FHIT: variants seen among roughly 807,000 people sequenced by gnomAD.
FHIT encodes the protein fragile histidine triad diadenosine triphosphatase, also known as bis(5'-adenosyl)-triphosphatase.
Under a neutral mutation model 17.9 loss-of-function variants are expected in FHIT, and 19 were observed. The observed-to-expected ratio is 1.06, with a 90% CI of 0.74 to 1.56. FHIT has a LOEUF of 1.56. FHIT is among the 40% of genes most tolerant of loss of function. The pLI is 0.00. For synonymous variants in FHIT, 81 were observed against 69.7 expected (o/e 1.16, Z -0.81); for missense variants, 248 against 189.2 (o/e 1.31, Z -1.82).
chr3:60,363,414 G>T (rs921788207), intron 5 of FHIT, among the ~76,000 whole-genome samples: 3 of 152,078 alleles, frequency 2.0e-5, no homozygotes, highest in African/African-American at 4.8e-5. Context: ...TTCAAGTAAT[G>T]GCTACAATGT....
chr3:60,936,626 T>C (rs1708201883), intron 3 of FHIT, among the ~76,000 whole-genome samples: 2 of 152,216 alleles, frequency 1.3e-5, no homozygotes, highest in Non-Finnish European at 1.5e-5. Flanking sequence ...TTTTATAACA[T>C]ACATTATTGC....
intron 5 of FHIT, among the ~76,000 whole-genome samples, chr3:60,072,651 T>C (rs951773728): frequency 2.6e-5 from 4 of 152,172 alleles, no homozygotes; most frequent in African/African-American, 9.7e-5. Flanking sequence ...TTGCCCAGCA[T>C]CACTGAGCTG....
At chr3:60,335,176 A>G (rs889492021) in intron 5 of FHIT, among the ~76,000 whole-genome samples, 11 of 152,334 alleles carry the variant, frequency 7.2e-5, no homozygotes, top group Middle Eastern at 3.4e-3. Flanking sequence ...AGTTCACAGG[A>G]AAATAGTCAA....
intron 4 of FHIT, among the ~76,000 whole-genome samples, chr3:60,681,052 GT>G (rs1296645154): frequency 6.6e-6 from 1 of 152,164 alleles, no homozygotes; most frequent in Non-Finnish European, 1.5e-5. Flanking sequence ...GGCATACCTT[GT>G]TTTACTGCAC....
chr3:59,862,910 G>A (rs550573087), intron 8 of FHIT, among the ~76,000 whole-genome samples: 9 of 152,274 alleles, frequency 5.9e-5, no homozygotes, highest in East Asian at 3.9e-4. Flanking sequence ...AAGGGGTGAC[G>A]GGGTAGGATG....
intron 3 of FHIT, among the ~76,000 whole-genome samples, chr3:61,008,815 G>C (rs1182624833): frequency 6.6e-6 from 1 of 152,150 alleles, no homozygotes; most frequent in Non-Finnish European, 1.5e-5. Context: ...TCCCTCCATA[G>C]TGCATTCTGA....
At chr3:61,072,938 A>C (rs2034853872) in intron 2 of FHIT, among the ~76,000 whole-genome samples, 1 of 152,160 alleles carries the variant, frequency 6.6e-6, no homozygotes, top group African/African-American at 2.4e-5. Context: ...GGGTAAATGC[A>C]CCTTTTCCTC....
intron 2 of FHIT, among the ~76,000 whole-genome samples, chr3:61,064,702 A>T (rs2034541886): frequency 6.6e-6 from 1 of 152,098 alleles, no homozygotes; most frequent in East Asian, 1.9e-4. Flanking sequence ...CTGCTTCAAA[A>T]ATTTAAATTA....
intron 2 of FHIT, among the ~76,000 whole-genome samples, chr3:61,044,080 C>A (rs1024971481): frequency 5.3e-5 from 8 of 152,144 alleles, no homozygotes; most frequent in Non-Finnish European, 1.0e-4. Context: ...CTCTTCTCCT[C>A]GAAAGGAACG....
At chr3:60,728,256 A>C (rs1279704221) in intron 4 of FHIT, among the ~76,000 whole-genome samples, 1 of 152,198 alleles carries the variant, frequency 6.6e-6, no homozygotes, top group African/African-American at 2.4e-5. Flanking sequence ...TCTCAAACTC[A>C]ACTTTATCTT....
chr3:60,803,473 G>A (rs1277018732), intron 4 of FHIT, among the ~76,000 whole-genome samples: 1 of 152,176 alleles, frequency 6.6e-6, no homozygotes, highest in Non-Finnish European at 1.5e-5. Context: ...CTTTCTAGGG[G>A]AAATTAAAAG....
intron 5 of FHIT, among the ~76,000 whole-genome samples, chr3:60,358,633 A>G (rs1482467035): frequency 2.6e-5 from 4 of 152,216 alleles, no homozygotes; most frequent in Non-Finnish European, 5.9e-5. Flanking sequence ...GCTAATAAAC[A>G]TTGCTAAGTA....
At chr3:60,819,491 C>T (rs1006985117) in intron 4 of FHIT, among the ~76,000 whole-genome samples, 2 of 152,274 alleles carry the variant, frequency 1.3e-5, no homozygotes, top group Admixed American at 6.5e-5. Flanking sequence ...TCAGATATCT[C>T]TAAATCCTGC....
At chr3:60,104,808 CT>C (rs1479281958) in intron 5 of FHIT, among the ~76,000 whole-genome samples, 4 of 152,074 alleles carry the variant, frequency 2.6e-5, no homozygotes, top group Non-Finnish European at 5.9e-5. Flanking sequence ...AATTTAGTCA[CT>C]TCAGTCACCA....
chr3:60,151,219 CA>C (rs1429355632), intron 5 of FHIT, among the ~76,000 whole-genome samples: 2 of 151,932 alleles, frequency 1.3e-5, no homozygotes, highest in Non-Finnish European at 2.9e-5. Flanking sequence ...CTATCTTACC[CA>C]AAAAAATAGG....
chr3:60,394,375 C>T (rs780252561), intron 5 of FHIT, among the ~76,000 whole-genome samples: 6 of 152,154 alleles, frequency 3.9e-5, no homozygotes, highest in Non-Finnish European at 7.4e-5. Flanking sequence ...CCTCTCCTTA[C>T]TTTCCATTCT....
intron 5 of FHIT, among the ~76,000 whole-genome samples, chr3:60,271,494 G>C (rs1225572026): frequency 6.6e-6 from 1 of 152,142 alleles, no homozygotes; most frequent in East Asian, 1.9e-4. Flanking sequence ...TTCCCTATTA[G>C]CATCTCTGAT....
rs1342981999 is a variant in FHIT at position 60,651,145 on chromosome 3, T to C, written c.-17-114166A>G. ...ATTTATGTCATTTAGGGTTTTTCTA[T>C]TATACATTATTCTATGATGAGCATT... On this transcript the variant is annotated intron_variant, in intron 4 of 9. Transcript: ENST00000492590. 3.3e-5 allele frequency among the ~76,000 whole-genome samples: 5 copies of C among 152,302 alleles called. No individual in the cohort carries two copies. The East Asian group carries it at 5.8e-4, about 18-fold the overall frequency.
At chr3:60,861,165 CATATGTTCTATGATATATATG>C (rs1553752226) in intron 3 of FHIT, among the ~76,000 whole-genome samples, 2 of 22,944 alleles carry the variant, frequency 8.7e-5, no homozygotes, top group African/African-American at 2.3e-4. Flanking sequence ...ACATATATAT[CATATGTTCTATGATATATATG>C]ATATATATCA....
Sources: gnomAD v4.1 joint callset for allele counts (sites outside exome capture counted in the v4.1 genomes callset) on GRCh38, gnomAD v4.1.1 for gene constraint, MANE v1.5 for transcripts, NCBI Gene and HGNC (gene_info 2026-07-23, HGNC 2026-07-21) for gene names.